Variants in CACNA2D1 observed in about 807,000 individuals in gnomAD.
The protein encoded by CACNA2D1 is voltage-dependent calcium channel subunit alpha-2/delta-1.
CACNA2D1 carries 53 observed loss-of-function variants against 171.5 expected under a neutral mutation model. The ratio of observed to expected loss-of-function variants is 0.31; its 90% CI spans 0.25 to 0.39. The LOEUF (loss-of-function observed/expected upper bound fraction) is 0.39. Ranked by LOEUF, CACNA2D1 falls within the 10% of genes least tolerant of loss-of-function variation. CACNA2D1 has a pLI of 1.00. For missense variants in CACNA2D1, 903 were observed against 1,299.8 expected (o/e 0.69, Z 4.69); for synonymous variants, 442 against 443.1 (o/e 1.00, Z 0.03).
At chr7:82,285,679 T>C (rs1409017423) in intron 3 of CACNA2D1, among the ~76,000 whole-genome samples, 1 of 152,152 alleles carries the variant, frequency 6.6e-6, no homozygotes, top group Non-Finnish European at 1.5e-5. Flanking sequence ...GAGTAGCATA[T>C]ATGAACGCAT....
At chr7:82,361,641 G>T (rs1563428377) in intron 1 of CACNA2D1, among the ~76,000 whole-genome samples, 1 of 151,978 alleles carries the variant, frequency 6.6e-6, no homozygotes, top group Non-Finnish European at 1.5e-5. Flanking sequence ...AAAATATTAG[G>T]CAGAAAAAGC....
In CACNA2D1 at chr7:81,975,490, G is replaced by C. The variant is rs117874324; in HGVS notation, c.1956-938C>G. Among the ~76,000 whole-genome samples the C allele has an allele frequency of 1.6e-3, 245 of 152,154 alleles. 5 individuals are homozygous for C. In the East Asian group the frequency reaches 0.018, roughly 11 times the overall value. On this transcript the variant is annotated intron_variant, in intron 24 of 38. Coordinates refer to ENST00000356860, the MANE Select transcript of CACNA2D1 (RefSeq NM_000722.4). Reference sequence around the variant, plus strand: ...TTGTCCTCACAGAGACGAGAGGCTTGTTTTTCTTCAGATATTGCGGCTGTT... The same window carrying C: ...TTGTCCTCACAGAGACGAGAGGCTTCTTTTTCTTCAGATATTGCGGCTGTT...
chr7:82,437,096 G>C (rs1027925244), intron 1 of CACNA2D1, among the ~76,000 whole-genome samples: 1 of 152,042 alleles, frequency 6.6e-6, no homozygotes, highest in South Asian at 2.1e-4. Flanking sequence ...CTGAAACAGG[G>C]AGCACAGATT....
chr7:82,130,791 CTTTTTTTTTTTT>C (rs71093363), intron 5 of CACNA2D1, among the ~76,000 whole-genome samples: 1 of 105,846 alleles, frequency 9.4e-6, no homozygotes, highest in Non-Finnish European at 1.8e-5. Context: ...TTGTTTTTGT[CTTTTTTTTTTTT>C]TTTTTTTTTT....
At chr7:82,207,493 G>T (rs187715033) in intron 3 of CACNA2D1, among the ~76,000 whole-genome samples, 29 of 151,726 alleles carry the variant, frequency 1.9e-4, no homozygotes, top group Non-Finnish European at 2.8e-4. Context: ...ATCCTATGCT[G>T]TACTTTTCAT....
chr7:81,958,101 AAG>A (rs1352696141), intron 38 of CACNA2D1, among the ~76,000 whole-genome samples: 2 of 145,496 alleles, frequency 1.4e-5, no homozygotes, highest in African/African-American at 5.7e-5. Flanking sequence ...ATATCTTAAA[AAG>A]AAAAAAAAAA....
chr7:82,293,340 A>G (rs1450685331), intron 3 of CACNA2D1, among the ~76,000 whole-genome samples: 1 of 152,098 alleles, frequency 6.6e-6, no homozygotes, highest in Non-Finnish European at 1.5e-5. Flanking sequence ...CATTAAGTTC[A>G]AAGCTTTCTT....
intron 3 of CACNA2D1, among the ~76,000 whole-genome samples, chr7:82,182,707 G>C (rs1316118515): frequency 6.6e-6 from 1 of 151,958 alleles, no homozygotes; most frequent in Admixed American, 6.6e-5. Flanking sequence ...ACATATACAT[G>C]AATAAGCTTG....
intron 12 of CACNA2D1, 107 bp downstream of exon 12, chr7:82,032,690 A>C (rs1343539503): frequency 1.6e-6 from 1 of 628,254 alleles, no homozygotes; most frequent in Non-Finnish European, 2.8e-6. Flanking sequence ...TAATTGGCAC[A>C]ATCAGGTTTT....
intron 3 of CACNA2D1, among the ~76,000 whole-genome samples, chr7:82,258,382 C>T (rs1021638283): frequency 6.6e-6 from 1 of 151,772 alleles, no homozygotes; most frequent in Non-Finnish European, 1.5e-5. Context: ...ACATGTAAGG[C>T]CGTCTAGTTC....
At chr7:82,333,388 T>C (rs1817616840) in intron 3 of CACNA2D1, among the ~76,000 whole-genome samples, 1 of 152,132 alleles carries the variant, frequency 6.6e-6, no homozygotes, top group South Asian at 2.1e-4. Flanking sequence ...GGCTAATTTA[T>C]AAAGGAAGGA....
At chr7:82,261,347 G>C (rs1332206071) in intron 3 of CACNA2D1, among the ~76,000 whole-genome samples, 12 of 152,164 alleles carry the variant, frequency 7.9e-5, no homozygotes. Flanking sequence ...CCTCTCCTAA[G>C]TAGCACGTTC....
chr7:82,407,096 T>C (rs1327419456), intron 1 of CACNA2D1, among the ~76,000 whole-genome samples: 3 of 152,294 alleles, frequency 2.0e-5, no homozygotes, highest in South Asian at 2.1e-4. Flanking sequence ...ATGTGATTGA[T>C]ATAGACAAAG....
At chr7:82,332,510 T>TAAAAGAAAGAAAGAAAG (rs1323648237) in intron 3 of CACNA2D1, among the ~76,000 whole-genome samples, 41 of 92,650 alleles carry the variant, frequency 4.4e-4, no homozygotes, top group African/African-American at 1.5e-3. Context: ...AAAAGAAATA[T>TAAAAGAAAGAAAGAAAG]AAAGAAAGAA....
At chr7:82,398,243 A>G (rs976029043) in intron 1 of CACNA2D1, among the ~76,000 whole-genome samples, 2 of 152,128 alleles carry the variant, frequency 1.3e-5, no homozygotes, top group Non-Finnish European at 2.9e-5. Context: ...GAAGAGAAAG[A>G]TCTCAATTTC....
At chr7:82,435,735 A>G (rs1312597063) in intron 1 of CACNA2D1, among the ~76,000 whole-genome samples, 1 of 151,082 alleles carries the variant, frequency 6.6e-6, no homozygotes, top group Non-Finnish European at 1.5e-5. Flanking sequence ...TATGATTCAA[A>G]CCTATTACTT....
chr7:82,266,824 A>T (rs1807922290), intron 3 of CACNA2D1, among the ~76,000 whole-genome samples: 1 of 152,030 alleles, frequency 6.6e-6, no homozygotes, highest in Non-Finnish European at 1.5e-5. Context: ...GCCTCAACTA[A>T]TTCTTAACAA....
intron 3 of CACNA2D1, among the ~76,000 whole-genome samples, chr7:82,182,735 T>G (rs1460216451): frequency 6.6e-6 from 1 of 152,032 alleles, no homozygotes; most frequent in Non-Finnish European, 1.5e-5. Flanking sequence ...ATATATGAAA[T>G]GAGATGAATA....
In CACNA2D1 at chr7:81,948,682, T is replaced by C. The variant is rs1398862174; in HGVS notation, c.*1710A>G. 11 of 151,912 alleles carry C rather than the reference T, an allele frequency of 7.2e-5. No homozygotes were observed. Among genetic ancestry groups the C allele is most frequent in the African/African-American group, 2.2e-4 (9 of 41,426 alleles). 9.4% of individuals were successfully genotyped at this position (151,912 alleles called of 1,614,324 possible). The stretch of plus-strand genomic sequence containing the variant: ...GATATGTAAGAAAATTTCCAGCATA[T>C]ACACATACCAGTAATTGGCATGTTC... On this transcript the variant is annotated 3_prime_UTR_variant, in exon 39 of 39. Transcript: ENST00000356860.
Sources: allele counts gnomAD v4.1 joint callset (sites outside exome capture counted in the v4.1 genomes callset), GRCh38; gene constraint gnomAD v4.1.1; transcripts MANE v1.5; gene names NCBI Gene and HGNC (gene_info 2026-07-23, HGNC 2026-07-21).